The following ARB2A variants were observed in gnomAD, a reference collection of about 807,000 sequenced individuals.
ARB2A encodes the protein cotranscriptional regulator ARB2A.
chr5:93,710,908 C>A, the ARB2A span, among the ~76,000 whole-genome samples: 1 of 152,140 alleles, frequency 6.6e-6, no homozygotes, highest in African/African-American at 2.4e-5. Flanking sequence ...CTCCCTCTGC[C>A]ACCTTACACT....
the ARB2A span, among the ~76,000 whole-genome samples, chr5:93,898,792 C>G: frequency 6.6e-6 from 1 of 152,002 alleles, no homozygotes; most frequent in Non-Finnish European, 1.5e-5. Context: ...ATACATGGCT[C>G]AAGAATAAAA....
chr5:93,817,622 G>C, the ARB2A span, among the ~76,000 whole-genome samples: 1 of 152,048 alleles, frequency 6.6e-6, no homozygotes, highest in Non-Finnish European at 1.5e-5. Context: ...TATGAAGACA[G>C]GCATATATAT....
the ARB2A span, among the ~76,000 whole-genome samples, chr5:94,075,944 CTG>C: frequency 6.6e-6 from 1 of 152,128 alleles, no homozygotes; most frequent in Non-Finnish European, 1.5e-5. Context: ...TTTAACTTCT[CTG>C]GGCCTCATTT....
chr5:94,045,522 G>A, the ARB2A span, among the ~76,000 whole-genome samples: 1 of 151,998 alleles, frequency 6.6e-6, no homozygotes, highest in Non-Finnish European at 1.5e-5. Flanking sequence ...CTCTTAAATG[G>A]AAGTTGAAAT....
chr5:93,740,358 A>G, the ARB2A span: 1 of 539,644 alleles, frequency 1.9e-6, no homozygotes, highest in South Asian at 3.3e-5. Flanking sequence ...GCTAGGGAAA[A>G]ACAAAGGGAA....
chr5:93,868,789 T>C, the ARB2A span, among the ~76,000 whole-genome samples: 2 of 152,284 alleles, frequency 1.3e-5, no homozygotes, highest in East Asian at 3.9e-4. Flanking sequence ...TGCAACACCC[T>C]AACAATAGTC....
the ARB2A span, among the ~76,000 whole-genome samples, chr5:93,966,593 T>C: frequency 4.5e-4 from 68 of 152,236 alleles, no homozygotes; most frequent in Non-Finnish European, 7.1e-4. Context: ...TAATTTGCTT[T>C]GATCTCCAAA....
chr5:93,823,972 AAAAT>A, the ARB2A span, among the ~76,000 whole-genome samples: 2 of 151,994 alleles, frequency 1.3e-5, no homozygotes, highest in African/African-American at 4.8e-5. Flanking sequence ...TAATATTAAT[AAAAT>A]AAATAAGTAA....
chr5:93,926,579 A>T, the ARB2A span, among the ~76,000 whole-genome samples: 1 of 151,868 alleles, frequency 6.6e-6, no homozygotes, highest in Non-Finnish European at 1.5e-5. Flanking sequence ...TCATGTAGTA[A>T]AACTCTTTTT....
the ARB2A span, among the ~76,000 whole-genome samples, chr5:93,910,372 T>C: frequency 9.9e-5 from 15 of 151,230 alleles, no homozygotes; most frequent in Non-Finnish European, 2.2e-4. Context: ...TGAACATTTT[T>C]TTAAATGCAG....
At chr5:94,054,522 C>G in the ARB2A span, among the ~76,000 whole-genome samples, 1 of 152,172 alleles carries the variant, frequency 6.6e-6, no homozygotes, top group Admixed American at 6.5e-5. Flanking sequence ...CTCAACAGAT[C>G]ATGGCAAGGG....
At chr5:93,896,528 C>T in the ARB2A span, among the ~76,000 whole-genome samples, 3 of 152,020 alleles carry the variant, frequency 2.0e-5, no homozygotes, top group Non-Finnish European at 2.9e-5. Flanking sequence ...TATGCAAATA[C>T]TGCAAAATCT....
At chr5:93,817,063 G>A in the ARB2A span, among the ~76,000 whole-genome samples, 1 of 150,940 alleles carries the variant, frequency 6.6e-6, no homozygotes, top group Non-Finnish European at 1.5e-5. Flanking sequence ...TCTTGAATAT[G>A]AAAACTCCTA....
the ARB2A span, among the ~76,000 whole-genome samples, chr5:94,080,579 T>C: frequency 3.9e-5 from 6 of 152,324 alleles, no homozygotes; most frequent in South Asian, 1.2e-3. Context: ...CATCTGTTTA[T>C]CACTTCAGAG....
At chr5:93,973,606 C>T in the ARB2A span, among the ~76,000 whole-genome samples, 6,514 of 152,230 alleles carry the variant, frequency 0.043, 195 homozygotes, top group Middle Eastern at 0.061. Context: ...TTCCCCAAGA[C>T]ACACAGTCAT....
At chr5:94,057,994 C>T in the ARB2A span, among the ~76,000 whole-genome samples, 1 of 152,038 alleles carries the variant, frequency 6.6e-6, no homozygotes, top group Admixed American at 6.6e-5. Flanking sequence ...GGGATTCACT[C>T]ATGTCTTTGA....
chr5:93,753,198 A>G, the ARB2A span, among the ~76,000 whole-genome samples: 1 of 152,228 alleles, frequency 6.6e-6, no homozygotes, highest in East Asian at 1.9e-4. Context: ...ACTTGTCTAC[A>G]CATTCTGAGT....
the ARB2A span, among the ~76,000 whole-genome samples, chr5:93,867,208 G>A: frequency 6.6e-6 from 1 of 152,212 alleles, no homozygotes; most frequent in African/African-American, 2.4e-5. Flanking sequence ...TATTATTATT[G>A]CTATGACAGA....
chr5:94,029,090 C>G, the ARB2A span, among the ~76,000 whole-genome samples: 1 of 152,186 alleles, frequency 6.6e-6, no homozygotes, highest in Non-Finnish European at 1.5e-5. Context: ...CTCCCAGAAT[C>G]AAGCGATTTT....
Sources: allele counts gnomAD v4.1 joint callset (sites outside exome capture counted in the v4.1 genomes callset), GRCh38; gene constraint gnomAD v4.1.1; transcripts MANE v1.5; gene names NCBI Gene and HGNC (gene_info 2026-07-23, HGNC 2026-07-21).